Variants in SEMA3D observed in about 807,000 individuals in gnomAD.
SEMA3D encodes semaphorin 3D, also known as semaphorin-3D.
SEMA3D carries 84 observed loss-of-function variants against 100.1 expected under a neutral mutation model. That is an observed-to-expected ratio of 0.84 (90% CI 0.70 to 1.01). The LOEUF (loss-of-function observed/expected upper bound fraction) is 1.01, where lower values mean the gene tolerates loss of function less well. Ranked by LOEUF, SEMA3D falls within the 50% of genes least tolerant of loss-of-function variation. The pLI, the probability that SEMA3D is intolerant of heterozygous loss-of-function variation, is 0.00. For synonymous variants in SEMA3D, 312 were observed against 320.7 expected, an observed-to-expected ratio of 0.97 and a Z score of 0.29; for missense variants, 875 against 934.1, an observed-to-expected ratio of 0.94 and a Z score of 0.82.
intron 4 of SEMA3D, among the ~76,000 whole-genome samples, chr7:85,082,257 T>C (rs1430572899): frequency 1.3e-5 from 2 of 152,212 alleles, no homozygotes; most frequent in Non-Finnish European, 2.9e-5. Flanking sequence ...CATCTGACTC[T>C]TGAACTGGGG....
intron 1 of SEMA3D, among the ~76,000 whole-genome samples, chr7:85,172,903 G>A (rs546158048): frequency 6.6e-6 from 1 of 152,088 alleles, no homozygotes; most frequent in African/African-American, 2.4e-5. Flanking sequence ...TTTCTTATGA[G>A]GGAGACTAAA....
At chr7:85,030,293 G>A (rs970691686) in intron 12 of SEMA3D, among the ~76,000 whole-genome samples, 1 of 151,094 alleles carries the variant, frequency 6.6e-6, no homozygotes, top group Non-Finnish European at 1.5e-5. Flanking sequence ...ATGCATTTAT[G>A]TTCATCAGTG....
At chr7:85,075,133 G>A (rs1791886809) in intron 5 of SEMA3D, among the ~76,000 whole-genome samples, 1 of 152,098 alleles carries the variant, frequency 6.6e-6, no homozygotes, top group African/African-American at 2.4e-5. Flanking sequence ...TTCGTACATA[G>A]GGGAGAGTAT....
intron 1 of SEMA3D, among the ~76,000 whole-genome samples, chr7:85,156,189 A>G (rs759472939): frequency 1.3e-5 from 2 of 148,372 alleles, no homozygotes; most frequent in East Asian, 2.0e-4. Flanking sequence ...TGCAACCTCC[A>G]CCTCCTGGGT....
intron 3 of SEMA3D, 72 bp downstream of exon 3, chr7:85,121,669 G>T (rs1789416277): frequency 1.2e-6 from 1 of 863,246 alleles, no homozygotes; most frequent in Non-Finnish European, 1.7e-6. Context: ...TTTCTAAAAA[G>T]AAAAAATATA....
At chr7:85,081,196 T>C (rs1306775845) in intron 5 of SEMA3D, among the ~76,000 whole-genome samples, 8 of 152,210 alleles carry the variant, frequency 5.3e-5, no homozygotes, top group Admixed American at 5.2e-4. Flanking sequence ...GAAAAATACA[T>C]GTTCCTAGAA....
intron 4 of SEMA3D, among the ~76,000 whole-genome samples, chr7:85,092,880 C>G (rs1352408086): frequency 6.6e-6 from 1 of 151,978 alleles, no homozygotes; most frequent in Non-Finnish European, 1.5e-5. Context: ...CAAATAAACT[C>G]TTGTACAAGC....
intron 1 of SEMA3D, among the ~76,000 whole-genome samples, chr7:85,178,633 A>G (rs551176496): frequency 6.6e-6 from 1 of 152,160 alleles, no homozygotes; most frequent in African/African-American, 2.4e-5. Flanking sequence ...GAGCAAAAAA[A>G]TTTGGAAAAT....
intron 16 of SEMA3D, among the ~76,000 whole-genome samples, chr7:85,013,550 C>G (rs1790017116): frequency 6.6e-6 from 1 of 151,666 alleles, no homozygotes; most frequent in Admixed American, 6.6e-5. Context: ...AGGTCTTACA[C>G]TCTTACAGCA....
chr7:85,144,471 T>G, intron 2 of SEMA3D: 1 of 978,562 alleles, frequency 1.0e-6, no homozygotes, highest in African/African-American at 1.7e-5. Context: ...AAAATATATT[T>G]TATGTGAGAT....
At chr7:85,068,391 T>C in intron 6 of SEMA3D, 107 bp from the exon 7 acceptor site, 1 of 670,020 alleles carries the variant, frequency 1.5e-6, no homozygotes, top group Non-Finnish European at 2.7e-6. Flanking sequence ...ATAAAACTAA[T>C]TGAGCATATA....
chr7:85,235,224 A>G, the SEMA3D span, among the ~76,000 whole-genome samples: 1 of 152,214 alleles, frequency 6.6e-6, no homozygotes, highest in Non-Finnish European at 1.5e-5. Flanking sequence ...ATATACTTAT[A>G]TACACATTAT....
the SEMA3D span, among the ~76,000 whole-genome samples, chr7:85,192,441 G>A: frequency 6.6e-6 from 1 of 152,020 alleles, no homozygotes; most frequent in Non-Finnish European, 1.5e-5. Context: ...CCATCTGACT[G>A]TAATTCCTTT....
chr7:85,136,504 A>G (rs539605620), intron 2 of SEMA3D, among the ~76,000 whole-genome samples: 42 of 152,250 alleles, frequency 2.8e-4, no homozygotes, highest in Non-Finnish European at 5.1e-4. Context: ...GTAGCGCAAT[A>G]TGGTAAAGTA....
At chr7:85,248,150 A>C in the SEMA3D span, among the ~76,000 whole-genome samples, 23 of 152,194 alleles carry the variant, frequency 1.5e-4, no homozygotes, top group African/African-American at 2.9e-4. Context: ...ATCTGATAAC[A>C]AAAAAAGGGG....
the SEMA3D span, among the ~76,000 whole-genome samples, chr7:85,206,209 T>G: frequency 6.6e-6 from 1 of 152,144 alleles, no homozygotes; most frequent in African/African-American, 2.4e-5. Context: ...TTGGGATACA[T>G]TTGACAACAT....
intron 12 of SEMA3D, among the ~76,000 whole-genome samples, chr7:85,025,872 C>T (rs1414484945): frequency 1.3e-5 from 2 of 151,994 alleles, no homozygotes; most frequent in African/African-American, 4.8e-5. Flanking sequence ...TCTCTCCTTC[C>T]CTCTCCCTCT....
intron 7 of SEMA3D, among the ~76,000 whole-genome samples, chr7:85,066,146 T>C (rs1583888258): frequency 6.6e-6 from 1 of 152,168 alleles, no homozygotes. Context: ...TTGCCATTAC[T>C]GCATACCAAA....
the SEMA3D span, among the ~76,000 whole-genome samples, chr7:85,193,624 C>G: frequency 6.6e-6 from 1 of 152,032 alleles, no homozygotes; most frequent in Non-Finnish European, 1.5e-5. Flanking sequence ...CCAGCCCTTT[C>G]TGGTCATCCT....
Sources: allele counts gnomAD v4.1 joint callset (sites outside exome capture counted in the v4.1 genomes callset), GRCh38; gene constraint gnomAD v4.1.1; transcripts MANE v1.5; gene names NCBI Gene and HGNC (gene_info 2026-07-23, HGNC 2026-07-21).